Variants in TLN2 observed in about 807,000 individuals in gnomAD.
TLN2 encodes the protein talin-2.
TLN2 carries 118 observed loss-of-function variants against 294.7 expected under a neutral mutation model. The ratio of observed to expected loss-of-function variants is 0.40; its 90% CI spans 0.34 to 0.47. The LOEUF (loss-of-function observed/expected upper bound fraction) is 0.47. TLN2 is among the 20% of genes least tolerant of loss of function. The probability of loss-of-function intolerance (pLI) is 0.84; values close to 1 mark genes in which losing one functional copy is unlikely to be tolerated. For synonymous variants in TLN2, 1,431 were observed against 1,304.5 expected (o/e 1.10, Z -2.09); for missense variants, 3,083 against 3,282.2 (o/e 0.94, Z 1.48).
At chr15:62,739,259 A>G in intron 30 of TLN2, 89 bp from the exon 31 acceptor site, 3 of 1,409,024 alleles carry the variant, frequency 2.1e-6, no homozygotes, top group Non-Finnish European at 2.9e-6. Flanking sequence ...GCATCTCTGA[A>G]GAGTCTGTCT....
At chr15:62,658,171 G>GA in intron 9 of TLN2, 3 of 96,450 alleles carry the variant, frequency 3.1e-5, no homozygotes, top group South Asian at 2.5e-4. Flanking sequence ...GAAGAGGAAA[G>GA]TAAAAAAAAA....
intron 1 of TLN2, among the ~76,000 whole-genome samples, chr15:62,518,022 C>T (rs1437330737): frequency 6.6e-6 from 1 of 150,424 alleles, no homozygotes; most frequent in Non-Finnish European, 1.5e-5. Flanking sequence ...AGTAAATGCT[C>T]ATTAAATATT....
intron 1 of TLN2, among the ~76,000 whole-genome samples, chr15:62,543,687 G>A (rs1189740104): frequency 1.3e-5 from 2 of 151,554 alleles, no homozygotes; most frequent in South Asian, 2.1e-4. Flanking sequence ...CCCAGGAGGC[G>A]GAGGTTGCAG....
chr15:62,407,966 G>C (rs1291141322), intron 1 of TLN2, among the ~76,000 whole-genome samples: 1 of 149,208 alleles, frequency 6.7e-6, no homozygotes, highest in African/African-American at 2.5e-5. Context: ...AAAAGAAAAA[G>C]GTGCCCACTT....
intron 23 of TLN2, 108 bp downstream of exon 23, chr15:62,716,567 A>G: frequency 7.2e-7 from 1 of 1,384,266 alleles, no homozygotes; most frequent in Admixed American, 2.9e-5. Context: ...AAGCCAAGTC[A>G]AGGTTCACAT....
chr15:62,842,519 A>AT lies in TLN2; in HGVS notation c.*1910dup, dbSNP rs943382476. On this transcript the variant is annotated 3_prime_UTR_variant, in exon 59 of 59. Coordinates refer to ENST00000636159, the MANE Select transcript of TLN2 (RefSeq NM_015059.3). ...GGCCTCCTGTAACAGGACTCTGGGGATCCCCTCTGTGGCCCAGCCCACCCC... is the reference window on the plus strand; with the variant it reads ...GGCCTCCTGTAACAGGACTCTGGGGATTCCCCTCTGTGGCCCAGCCCACCCC... 1 of 152,074 alleles carries AT rather than the reference A, an allele frequency of 6.6e-6. No individual in the cohort carries two copies. The highest frequency in any genetic ancestry group is 1.5e-5 in the Non-Finnish European group (1 of 68,126). 9.4% of individuals were successfully genotyped at this position (152,074 alleles called of 1,614,324 possible). A position where few individuals can be genotyped will look rare whatever the true frequency, so the allele number is the denominator to read the frequency against.
intron 1 of TLN2, among the ~76,000 whole-genome samples, chr15:62,391,581 C>G (rs2032086900): frequency 6.6e-6 from 1 of 152,218 alleles, no homozygotes; most frequent in Non-Finnish European, 1.5e-5. Context: ...GTTTCTGGGT[C>G]CCGGGGAGAG....
intron 3 of TLN2, among the ~76,000 whole-genome samples, chr15:62,620,188 C>G (rs867960008): frequency 6.6e-6 from 1 of 151,860 alleles, no homozygotes; most frequent in Non-Finnish European, 1.5e-5. Flanking sequence ...ACTATATTGC[C>G]GAGGCTAATC....
At chr15:62,562,530 C>CATTT (rs34080138) in intron 1 of TLN2, among the ~76,000 whole-genome samples, 31,966 of 150,112 alleles carry the variant, frequency 0.21, 3,770 homozygotes, top group East Asian at 0.51. Context: ...ATCTCTCCTC[C>CATTT]ATTTATTTAT....
chr15:62,457,023 G>A (rs1334516770), intron 1 of TLN2, among the ~76,000 whole-genome samples: 1 of 152,184 alleles, frequency 6.6e-6, no homozygotes, highest in Non-Finnish European at 1.5e-5. Context: ...TGTTTAGTTT[G>A]CCTGTGGCCC....
intron 1 of TLN2, among the ~76,000 whole-genome samples, chr15:62,502,006 T>C (rs1024641988): frequency 6.6e-6 from 1 of 152,170 alleles, no homozygotes; most frequent in African/African-American, 2.4e-5. Flanking sequence ...GTGATATGGC[T>C]TTGTGACCTT....
At chr15:62,645,198 G>C (rs1170203881) in intron 3 of TLN2, 1 of 153,080 alleles carries the variant, frequency 6.5e-6, no homozygotes, top group African/African-American at 2.4e-5. Flanking sequence ...CCTATAAAGA[G>C]AGGGGTGGAG....
intron 1 of TLN2, among the ~76,000 whole-genome samples, chr15:62,573,775 CTTTTT>C (rs58692120): frequency 1.4e-5 from 2 of 145,066 alleles, no homozygotes; most frequent in African/African-American, 2.5e-5. Flanking sequence ...CTTCCTTTTT[CTTTTT>C]TTTTTTTTTA....
intron 16 of TLN2, among the ~76,000 whole-genome samples, chr15:62,699,742 G>A (rs898414264): frequency 9.9e-5 from 15 of 152,168 alleles, no homozygotes; most frequent in African/African-American, 1.9e-4. Flanking sequence ...GAGAAGCACC[G>A]GCTAGCGCTG....
intron 9 of TLN2, among the ~76,000 whole-genome samples, chr15:62,666,987 A>T (rs1408537487): frequency 2.0e-5 from 3 of 151,938 alleles, no homozygotes; most frequent in Admixed American, 2.0e-4. Context: ...CTTTTTTGAG[A>T]TGGAGTCTCG....
intron 1 of TLN2, among the ~76,000 whole-genome samples, chr15:62,407,642 C>T (rs961028414): frequency 4.6e-5 from 7 of 152,070 alleles, no homozygotes; most frequent in Non-Finnish European, 8.8e-5. Flanking sequence ...CTGGGCTGGG[C>T]GCAATGGCTC....
rs749706217 is a variant in TLN2 at position 62,840,470 on chromosome 15, C to T, written c.7501-12C>T. On this transcript the variant is annotated splice_polypyrimidine_tract_variant and intron_variant, in intron 58 of 58. Transcript: ENST00000636159. ...AGTGTTAGGTCCATCCAGCTTGTTG[C>T]TTTCTTTCTAGATCATCGCCGCCCA... is the stretch of plus-strand genomic sequence containing the variant. The T allele has an allele frequency of 2.5e-6, 4 of 1,613,884 alleles. No homozygotes were observed. The Admixed American group carries it at 5.0e-5, about 20-fold the overall frequency.
intron 54 of TLN2, among the ~76,000 whole-genome samples, chr15:62,826,236 A>G (rs998566870): frequency 6.6e-6 from 1 of 152,100 alleles, no homozygotes; most frequent in Non-Finnish European, 1.5e-5. Context: ...TGATTAAAAG[A>G]TTATTTCAGT....
At chr15:62,403,515 G>A (rs290299) in intron 1 of TLN2, among the ~76,000 whole-genome samples, 1 of 151,818 alleles carries the variant, frequency 6.6e-6, no homozygotes, top group African/African-American at 2.4e-5. Context: ...TTACAGGCAT[G>A]AGCCACTGTG....
Sources: allele counts gnomAD v4.1 joint callset (sites outside exome capture counted in the v4.1 genomes callset), GRCh38; gene constraint gnomAD v4.1.1; transcripts MANE v1.5; gene names NCBI Gene and HGNC (gene_info 2026-07-23, HGNC 2026-07-21).